The following ERO1A variants were observed in gnomAD, a reference collection of about 807,000 sequenced individuals.
The protein encoded by ERO1A is ERO1-like protein alpha.
ERO1A carries 49 observed loss-of-function variants against 76.9 expected under a neutral mutation model. That is an observed-to-expected ratio of 0.64 (90% CI 0.51 to 0.81). The LOEUF (loss-of-function observed/expected upper bound fraction) is 0.81. Ranked by LOEUF, ERO1A falls within the 30% of genes least tolerant of loss-of-function variation. The pLI, the probability that ERO1A is intolerant of heterozygous loss-of-function variation, is 0.00. For synonymous variants in ERO1A, 174 were observed against 181.2 expected, an observed-to-expected ratio of 0.96 and a Z score of 0.32; for missense variants, 448 against 542.1, an observed-to-expected ratio of 0.83 and a Z score of 1.72.
At chr14:52,669,596 T>G (rs769763805) in intron 6 of ERO1A, among the ~76,000 whole-genome samples, 1 of 152,184 alleles carries the variant, frequency 6.6e-6, no homozygotes, top group African/African-American at 2.4e-5. Flanking sequence ...ATGCAACATA[T>G]ATCGCATATT....
chr14:52,656,277 T>A (rs980842920), intron 11 of ERO1A, among the ~76,000 whole-genome samples: 1 of 152,176 alleles, frequency 6.6e-6, no homozygotes, highest in Non-Finnish European at 1.5e-5. Context: ...ACAAATATAA[T>A]GTCCTCCAAG....
In ERO1A at chr14:52,660,674, G is replaced by C. The variant is rs116094574; in HGVS notation, c.688+619C>G. On this transcript the variant is annotated intron_variant, in intron 9 of 15. Coordinates refer to ENST00000395686, the MANE Select transcript of ERO1A (RefSeq NM_014584.3). The stretch of plus-strand genomic sequence containing the variant: ...GTTCAGAAAATAGAGGATTTTGAGG[G>C]AAAGAAAAGTGATACTTCACATTTT... 2.6e-3 allele frequency among the ~76,000 whole-genome samples: 389 copies of C among 152,290 alleles called. 2 individuals carry two copies. Among genetic ancestry groups the C allele is most frequent in the African/African-American group, 9.0e-3 (374 of 41,562 alleles).
rs189684860 is a variant in ERO1A at position 52,678,611 on chromosome 14, A to G, written c.319-139T>C. Reference sequence around the variant, plus strand: ...TTTTTTAACAGAATAGGTAGTATTCATATGATTGCTTAAAAGTAAATAAAA... The same window carrying G: ...TTTTTTAACAGAATAGGTAGTATTCGTATGATTGCTTAAAAGTAAATAAAA... On this transcript the variant is annotated intron_variant, in intron 3 of 15. Transcript: ENST00000395686. The G allele has an allele frequency of 1.2e-4, 76 of 652,464 alleles. 1 individual carries two copies. The African/African-American group carries it at 1.3e-3, about 11-fold the overall frequency. The allele number at this position is 652,464 out of a possible 1,614,324, so 40.4% of individuals were successfully genotyped here.
intron 11 of ERO1A, among the ~76,000 whole-genome samples, chr14:52,655,124 T>C (rs1308291936): frequency 3.3e-5 from 5 of 152,136 alleles, no homozygotes; most frequent in Non-Finnish European, 7.4e-5. Flanking sequence ...CCCAGCACTT[T>C]GGGAGGCCGA....
At chr14:52,672,794 C>CAAAAAAAAAAAAAAAAAAA (rs2040651370) in intron 4 of ERO1A, among the ~76,000 whole-genome samples, 1 of 132,982 alleles carries the variant, frequency 7.5e-6, no homozygotes. Flanking sequence ...AAAAAAAAAA[C>CAAAAAAAAAAAAAAAAAAA]AAAAAACAAA....
intron 1 of ERO1A, among the ~76,000 whole-genome samples, chr14:52,692,203 G>T (rs2041376321): frequency 6.6e-6 from 1 of 152,202 alleles, no homozygotes; most frequent in South Asian, 2.1e-4. Context: ...CTTCTTGGAA[G>T]TGTCACACCT....
chr14:52,659,434 G>A (rs1008690581), intron 9 of ERO1A, among the ~76,000 whole-genome samples: 2 of 152,088 alleles, frequency 1.3e-5, no homozygotes, highest in Non-Finnish European at 2.9e-5. Context: ...AAGCGTATCT[G>A]GTAGTAACTA....
chr14:52,678,052 G>T (rs989441092), intron 4 of ERO1A, among the ~76,000 whole-genome samples: 4 of 151,954 alleles, frequency 2.6e-5, no homozygotes, highest in Non-Finnish European at 5.9e-5. Context: ...GATCACCAGA[G>T]GTCGGCAATT....
chr14:52,688,698 T>C (rs969353304), intron 1 of ERO1A, among the ~76,000 whole-genome samples: 5 of 152,184 alleles, frequency 3.3e-5, no homozygotes, highest in African/African-American at 1.2e-4. Context: ...AAGAACTAGA[T>C]AACCAACAGT....
chr14:52,684,133 A>ACG (rs1170318866), intron 1 of ERO1A, among the ~76,000 whole-genome samples: 1 of 116,154 alleles, frequency 8.6e-6, no homozygotes, highest in Admixed American at 9.7e-5. Flanking sequence ...ACACACACAC[A>ACG]CACACACACA....
chr14:52,679,922 G>A (rs2040930736), intron 3 of ERO1A, among the ~76,000 whole-genome samples: 1 of 151,800 alleles, frequency 6.6e-6, no homozygotes, highest in African/African-American at 2.4e-5. Flanking sequence ...CATGATGTGT[G>A]CCTGTAGTCC....
intron 1 of ERO1A, 68 bp downstream of exon 1, chr14:52,695,300 G>T: frequency 5.5e-6 from 6 of 1,082,502 alleles, no homozygotes; most frequent in Non-Finnish European, 7.2e-6. Context: ...TCACCCGCCA[G>T]GGCGTGCGGG....
chr14:52,684,589 G>A (rs2139769595), intron 1 of ERO1A, among the ~76,000 whole-genome samples: 2 of 152,196 alleles, frequency 1.3e-5, no homozygotes, highest in Middle Eastern at 6.8e-3. Context: ...ATATTGGGCT[G>A]TAACAATTTC....
At chr14:52,695,339 C>G (rs756197172) in intron 1 of ERO1A, 29 bp downstream of exon 1, 11 of 1,367,940 alleles carry the variant, frequency 8.0e-6, no homozygotes, top group Non-Finnish European at 1.1e-5. Context: ...GGCGCCGGGA[C>G]CCTCAGCACC....
At chr14:52,657,178 T>C (rs1261461710) in intron 11 of ERO1A, among the ~76,000 whole-genome samples, 1 of 152,184 alleles carries the variant, frequency 6.6e-6, no homozygotes, top group Non-Finnish European at 1.5e-5. Context: ...ATAATCTGCC[T>C]CATAATTTGC....
chr14:52,677,721 T>C (rs1015644917), intron 4 of ERO1A, among the ~76,000 whole-genome samples: 8 of 151,844 alleles, frequency 5.3e-5, no homozygotes, highest in African/African-American at 1.9e-4. Context: ...AAATTATCTA[T>C]GCATGGAGGC....
intron 11 of ERO1A, among the ~76,000 whole-genome samples, chr14:52,655,455 G>A (rs1166319591): frequency 1.3e-5 from 2 of 152,104 alleles, no homozygotes; most frequent in East Asian, 1.9e-4. Flanking sequence ...AGAGTTAATG[G>A]TAAGTGAATA....
chr14:52,680,535 A>G (rs1370403821), intron 3 of ERO1A, among the ~76,000 whole-genome samples: 1 of 152,222 alleles, frequency 6.6e-6, no homozygotes. Context: ...ATATTAATAA[A>G]AAGCTCATTT....
intron 4 of ERO1A, 84 bp from the exon 5 acceptor site, chr14:52,671,955 T>C: frequency 1.1e-6 from 1 of 897,320 alleles, no homozygotes; most frequent in Non-Finnish European, 1.7e-6. Context: ...CTGAAGCTCT[T>C]TTTATTTTTT....
Sources: allele counts gnomAD v4.1 joint callset (sites outside exome capture counted in the v4.1 genomes callset), GRCh38; gene constraint gnomAD v4.1.1; transcripts MANE v1.5; gene names NCBI Gene and HGNC (gene_info 2026-07-23, HGNC 2026-07-21).